The following C11orf65 variants were observed in gnomAD, a reference collection of about 807,000 sequenced individuals.
The protein encoded by C11orf65 is protein MFI.
In C11orf65, 38 loss-of-function variants were observed where a neutral mutation model predicts 35.3. The observed-to-expected ratio is 1.08, with a 90% confidence interval of 0.83 to 1.41. The LOEUF is 1.41. Among genes scored for constraint, C11orf65 ranks in the 40% most tolerant of loss-of-function variants. The pLI is 0.00. For missense variants in C11orf65, 370 were observed against 367.1 expected, an observed-to-expected ratio of 1.01 and a Z score of -0.06; for synonymous variants, 105 against 114.4, an observed-to-expected ratio of 0.92 and a Z score of 0.53.
At chr11:108,375,968 G>T (rs1486703145) in intron 2 of C11orf65, among the ~76,000 whole-genome samples, 3 of 152,136 alleles carry the variant, frequency 2.0e-5, no homozygotes, top group African/African-American at 7.2e-5. Context: ...CAATACAGGA[G>T]CACCCAGATT....
intron 2 of C11orf65, among the ~76,000 whole-genome samples, chr11:108,336,785 A>G (rs538944231): frequency 1.3e-5 from 2 of 152,280 alleles, no homozygotes; most frequent in African/African-American, 4.8e-5. Flanking sequence ...TCCTCTAGCT[A>G]TTTGCCTGAG....
intron 2 of C11orf65, among the ~76,000 whole-genome samples, chr11:108,371,755 A>C (rs1443402867): frequency 6.6e-6 from 1 of 152,144 alleles, no homozygotes; most frequent in Non-Finnish European, 1.5e-5. Flanking sequence ...CCAGAAACGG[A>C]ATTGTTGGAT....
At chr11:108,435,021 G>T (rs764706940) in intron 2 of C11orf65, among the ~76,000 whole-genome samples, 2 of 152,170 alleles carry the variant, frequency 1.3e-5, no homozygotes, top group Non-Finnish European at 2.9e-5. Context: ...TTCAGACTAG[G>T]ACGACATCCT....
At chr11:108,405,389 A>C (rs774057802) in intron 6 of C11orf65, 40 bp downstream of exon 6, 1 of 1,591,902 alleles carries the variant, frequency 6.3e-7, no homozygotes, top group Non-Finnish European at 8.5e-7. Context: ...TTTTTCCCAA[A>C]ATACTACGTA....
intron 3 of C11orf65, among the ~76,000 whole-genome samples, chr11:108,429,051 G>A (rs538368541): frequency 6.6e-6 from 1 of 152,092 alleles, no homozygotes; most frequent in Non-Finnish European, 1.5e-5. Flanking sequence ...TGAGGCTGAG[G>A]TGGGAGGATC....
rs1057523224 is a variant in C11orf65, at chr11:108,345,790, T to C, written c.227-10498A>G. 1 of 1,613,618 alleles carries C rather than the reference T, an allele frequency of 6.2e-7. No homozygotes were observed. The highest frequency in any genetic ancestry group is 1.3e-5 in the African/African-American group (1 of 74,890). ...AAGAGAAATATGAAGTCTTCATGGA[T>C]GTTTGCCAAAATTTTCAACCAGTTT... is the stretch of plus-strand genomic sequence containing the variant. On this transcript the variant is annotated intron_variant, in intron 2 of 3. Transcript: ENST00000524755.
intron 6 of C11orf65, among the ~76,000 whole-genome samples, chr11:108,395,553 G>A (rs112331508): frequency 0.072 from 10,842 of 151,324 alleles, 452 homozygotes; most frequent in Middle Eastern, 0.097. Flanking sequence ...TCCTGACCTC[G>A]TGATCTGCCC....
chr11:108,397,340 T>A (rs367984871), intron 6 of C11orf65, among the ~76,000 whole-genome samples: 1,703 of 148,872 alleles, frequency 0.011, 24 homozygotes, highest in African/African-American at 0.038. Context: ...AAAAAAGACA[T>A]AAAATTTGTC....
At chr11:108,321,106 T>C (rs919118940) in intron 6 of C11orf65, among the ~76,000 whole-genome samples, 5 of 152,208 alleles carry the variant, frequency 3.3e-5, no homozygotes, top group African/African-American at 9.6e-5. Flanking sequence ...AAGTGGACCA[T>C]GCATTTAAAT....
intron 2 of C11orf65, among the ~76,000 whole-genome samples, chr11:108,369,898 T>C (rs574054658): frequency 4.6e-5 from 7 of 152,168 alleles, no homozygotes; most frequent in Admixed American, 1.3e-4. Context: ...TGTTAGTCAG[T>C]ATGATTTTCT....
chr11:108,407,041 C>A, intron 4 of C11orf65, 55 bp downstream of exon 4: 1 of 1,573,458 alleles, frequency 6.4e-7, no homozygotes, highest in Non-Finnish European at 8.7e-7. Flanking sequence ...TACATTGTTT[C>A]AATTTCATAA....
At chr11:108,352,699 C>T (rs2089358388) in intron 2 of C11orf65, among the ~76,000 whole-genome samples, 1 of 152,212 alleles carries the variant, frequency 6.6e-6, no homozygotes, top group South Asian at 2.1e-4. Flanking sequence ...AACTGTGTTA[C>T]ATCCATGCCC....
intron 2 of C11orf65, among the ~76,000 whole-genome samples, chr11:108,350,273 G>C (rs1046307662): frequency 3.9e-5 from 6 of 152,182 alleles, no homozygotes; most frequent in Non-Finnish European, 8.8e-5. Context: ...GGGACAAGGG[G>C]ACAAGGAGAT....
chr11:108,433,510 G>A (rs1262341625), intron 2 of C11orf65, among the ~76,000 whole-genome samples: 1 of 152,074 alleles, frequency 6.6e-6, no homozygotes, highest in Admixed American at 6.5e-5. Context: ...AACCCAGGAG[G>A]CGGAACTTGC....
At chr11:108,463,924 A>ATT (rs10677306) in intron 1 of C11orf65, among the ~76,000 whole-genome samples, 13,569 of 132,334 alleles carry the variant, frequency 0.1, 855 homozygotes, top group Non-Finnish European at 0.14. Flanking sequence ...AGATTTGTTA[A>ATT]TTTTTTTTTT....
chr11:108,326,946 C>T (rs2085739278), downstream of C11orf65, among the ~76,000 whole-genome samples: 1 of 152,198 alleles, frequency 6.6e-6, no homozygotes, highest in Admixed American at 6.5e-5. Flanking sequence ...CTGCCTCAGC[C>T]TCCCTTGTAG....
intron 3 of C11orf65, among the ~76,000 whole-genome samples, chr11:108,418,109 A>G (rs1429084029): frequency 6.6e-6 from 1 of 152,194 alleles, no homozygotes; most frequent in African/African-American, 2.4e-5. Flanking sequence ...CATGGTCTCA[A>G]ATATATACAA....
chr11:108,469,238 A>G (rs2093563144), upstream of C11orf65, among the ~76,000 whole-genome samples: 1 of 151,808 alleles, frequency 6.6e-6, no homozygotes, highest in Non-Finnish European at 1.5e-5. Context: ...ATTAAATTCA[A>G]AATTACACAA....
At chr11:108,374,237 C>T (rs560824470) in intron 2 of C11orf65, among the ~76,000 whole-genome samples, 93 of 152,330 alleles carry the variant, frequency 6.1e-4, no homozygotes, top group South Asian at 1.7e-3. Flanking sequence ...GGAGGCACCC[C>T]CCAGTGGGGC....
Sources: gnomAD v4.1 joint callset for allele counts (sites outside exome capture counted in the v4.1 genomes callset) on GRCh38, gnomAD v4.1.1 for gene constraint, MANE v1.5 for transcripts, NCBI Gene and HGNC (gene_info 2026-07-23, HGNC 2026-07-21) for gene names.